Variants in SLIT2 observed in about 807,000 individuals in gnomAD.
SLIT2 encodes the protein slit guidance ligand 2, also known as slit homolog 2 protein.
A neutral mutation model predicts 185.7 loss-of-function variants in SLIT2; 41 were observed. The ratio of observed to expected loss-of-function variants is 0.22; its 90% CI spans 0.17 to 0.29. SLIT2 has a LOEUF of 0.29. Among genes scored for constraint, SLIT2 ranks in the 10% least tolerant of loss-of-function variants. SLIT2 has a pLI of 1.00. For missense variants in SLIT2, 1,571 were observed against 1,909.0 expected (o/e 0.82, Z 3.30); for synonymous variants, 693 against 680.2 (o/e 1.02, Z -0.29).
intron 1 of SLIT2, chr4:20,255,213 G>C: frequency 2.8e-6 from 1 of 363,460 alleles, no homozygotes; most frequent in Non-Finnish European, 5.4e-6. Context: ...GCCGTGGAGA[G>C]GAGGCGCTCT....
At chr4:20,463,894 T>A (rs73252416) in intron 4 of SLIT2, among the ~76,000 whole-genome samples, 29,002 of 147,406 alleles carry the variant, frequency 0.2, 3,064 homozygotes, top group Non-Finnish European at 0.24. Context: ...AAAAAAAAAA[T>A]TTCAAAACCA....
chr4:20,411,373 G>T (rs1377892448), intron 4 of SLIT2, among the ~76,000 whole-genome samples: 4 of 152,100 alleles, frequency 2.6e-5, no homozygotes, highest in Non-Finnish European at 4.4e-5. Flanking sequence ...TATCTTCCCA[G>T]TATATAGATG....
At chr4:20,443,620 G>C (rs1351956204) in intron 4 of SLIT2, among the ~76,000 whole-genome samples, 1 of 142,562 alleles carries the variant, frequency 7.0e-6, no homozygotes, top group Admixed American at 7.1e-5. Flanking sequence ...GAGTAATTTG[G>C]AACTAGACCA....
At chr4:20,537,071 C>T (rs1444129123) in intron 18 of SLIT2, among the ~76,000 whole-genome samples, 2 of 152,052 alleles carry the variant, frequency 1.3e-5, no homozygotes, top group African/African-American at 4.8e-5. Context: ...GAAGGACCTG[C>T]CTGAGGCTGT....
chr4:20,582,124 T>C (rs995961132), intron 29 of SLIT2, among the ~76,000 whole-genome samples: 4 of 152,162 alleles, frequency 2.6e-5, no homozygotes, highest in Non-Finnish European at 1.5e-5. Flanking sequence ...CTATTATTCA[T>C]AGAATGAAGA....
intron 4 of SLIT2, among the ~76,000 whole-genome samples, chr4:20,335,947 G>C (rs1471341191): frequency 2.0e-5 from 3 of 152,054 alleles, no homozygotes; most frequent in African/African-American, 4.8e-5. Context: ...AATGACAACT[G>C]ATAGATGTAG....
chr4:20,577,747 A>C (rs1726197260), intron 29 of SLIT2, among the ~76,000 whole-genome samples: 1 of 152,190 alleles, frequency 6.6e-6, no homozygotes, highest in African/African-American at 2.4e-5. Context: ...GGTCTGTAGG[A>C]GTAGAGAGAA....
chr4:20,577,191 C>G (rs560026684), intron 29 of SLIT2, among the ~76,000 whole-genome samples: 1 of 152,152 alleles, frequency 6.6e-6, no homozygotes, highest in South Asian at 2.1e-4. Context: ...ATTCCAAGAA[C>G]ATTAATAATA....
intron 3 of SLIT2, among the ~76,000 whole-genome samples, chr4:20,266,912 C>T (rs1713088835): frequency 6.6e-6 from 1 of 151,978 alleles, no homozygotes; most frequent in African/African-American, 2.4e-5. Flanking sequence ...AGAGAACTGC[C>T]TCTGCAGGGC....
At chr4:20,471,582 T>A (rs1398987486) in intron 5 of SLIT2, among the ~76,000 whole-genome samples, 1 of 152,202 alleles carries the variant, frequency 6.6e-6, no homozygotes, top group Non-Finnish European at 1.5e-5. Flanking sequence ...CCATATTTTG[T>A]ATAGCACTAT....
At chr4:20,514,232 C>G (rs1455134161) in intron 11 of SLIT2, among the ~76,000 whole-genome samples, 2 of 152,166 alleles carry the variant, frequency 1.3e-5, no homozygotes, top group Non-Finnish European at 2.9e-5. Context: ...CCATGTCTTT[C>G]TAGAACTGTA....
At chr4:20,344,677 C>G (rs1021019272) in intron 4 of SLIT2, among the ~76,000 whole-genome samples, 4 of 152,112 alleles carry the variant, frequency 2.6e-5, no homozygotes, top group Admixed American at 6.5e-5. Flanking sequence ...ATCTTTTGCT[C>G]TGTCCATTCT....
intron 4 of SLIT2, among the ~76,000 whole-genome samples, chr4:20,361,168 A>G (rs189166953): frequency 6.6e-6 from 1 of 152,232 alleles, no homozygotes; most frequent in Admixed American, 6.5e-5. Flanking sequence ...GTGGTTTTCA[A>G]ACGATATCCT....
At position 20,474,826 on chromosome 4, in the gene SLIT2, A is replaced by T. The variant is rs1376961383; in HGVS notation, c.468-5890A>T. ...AAAACATTGTTTATTATCTATTACTACAGGGTTTAAAAGTATTCAGTTTAT... is the reference window on the plus strand; with the variant it reads ...AAAACATTGTTTATTATCTATTACTTCAGGGTTTAAAAGTATTCAGTTTAT... On this transcript the variant is annotated intron_variant, in intron 5 of 36. Transcript: ENST00000504154. Among the ~76,000 whole-genome samples the T allele has an allele frequency of 2.0e-5, 3 of 152,012 alleles. No individual in the cohort carries two copies. The East Asian group carries it at 5.8e-4, about 29-fold the overall frequency.
chr4:20,443,478 T>C (rs1033263599), intron 4 of SLIT2, among the ~76,000 whole-genome samples: 1 of 151,602 alleles, frequency 6.6e-6, no homozygotes, highest in African/African-American at 2.4e-5. Context: ...AGATAACTTT[T>C]AGCTCAGGGC....
intron 4 of SLIT2, among the ~76,000 whole-genome samples, chr4:20,405,872 A>G (rs1210568706): frequency 6.6e-6 from 1 of 152,084 alleles, no homozygotes; most frequent in Non-Finnish European, 1.5e-5. Context: ...ATAGAAGAGT[A>G]ATTTTTATCT....
At chr4:20,414,054 A>G (rs1727467708) in intron 4 of SLIT2, among the ~76,000 whole-genome samples, 1 of 152,008 alleles carries the variant, frequency 6.6e-6, no homozygotes, top group East Asian at 1.9e-4. Flanking sequence ...TTGCTTCCAT[A>G]GTCTTTTCTA....
intron 4 of SLIT2, among the ~76,000 whole-genome samples, chr4:20,446,366 A>G (rs1482048399): frequency 6.6e-6 from 1 of 152,220 alleles, no homozygotes. Context: ...CCACTTCCAC[A>G]TAAAAATGGG....
intron 3 of SLIT2, among the ~76,000 whole-genome samples, chr4:20,261,841 T>C (rs1221223379): frequency 6.6e-6 from 1 of 151,746 alleles, no homozygotes; most frequent in Non-Finnish European, 1.5e-5. Context: ...ATAAGAAAAT[T>C]GTGGAAATAA....
Sources: allele counts gnomAD v4.1 joint callset (sites outside exome capture counted in the v4.1 genomes callset), GRCh38; gene constraint gnomAD v4.1.1; transcripts MANE v1.5; gene names NCBI Gene and HGNC (gene_info 2026-07-23, HGNC 2026-07-21).